The following LRP1B variants were observed in gnomAD, a reference collection of about 807,000 sequenced individuals.
The protein encoded by LRP1B is LDL receptor related protein 1B.
LRP1B carries 217 observed loss-of-function variants against 556.6 expected under a neutral mutation model. That is an observed-to-expected ratio of 0.39 (90% CI 0.35 to 0.44). The LOEUF (loss-of-function observed/expected upper bound fraction) is 0.44. Ranked by LOEUF, LRP1B falls within the 20% of genes least tolerant of loss-of-function variation. The pLI is 1.00. For synonymous variants in LRP1B, 2,047 were observed against 1,865.8 expected (o/e 1.10, Z -2.50); for missense variants, 5,053 against 5,620.8 (o/e 0.90, Z 3.23).
intron 2 of LRP1B, among the ~76,000 whole-genome samples, chr2:141,680,237 A>G (rs1028493530): frequency 2.0e-5 from 3 of 152,158 alleles, no homozygotes; most frequent in African/African-American, 7.2e-5. Context: ...AAGAAGTTTG[A>G]TGGTGAAAAA....
chr2:141,865,979 A>G (rs2105793719), intron 1 of LRP1B, among the ~76,000 whole-genome samples: 1 of 152,326 alleles, frequency 6.6e-6, no homozygotes, highest in Non-Finnish European at 1.5e-5. Context: ...AAACTTTCCC[A>G]TTTTAGCTAC....
intron 82 of LRP1B, among the ~76,000 whole-genome samples, chr2:140,316,348 G>T (rs2105039905): frequency 6.6e-6 from 1 of 152,226 alleles, no homozygotes; most frequent in Middle Eastern, 3.4e-3. Flanking sequence ...TCACTGCAAT[G>T]ATTTCAAGAG....
chr2:141,734,522 C>A (rs1039439022), intron 2 of LRP1B, among the ~76,000 whole-genome samples: 2 of 151,862 alleles, frequency 1.3e-5, no homozygotes, highest in Admixed American at 6.6e-5. Context: ...TAAGAAAAAC[C>A]ATTAAAAGTG....
intron 1 of LRP1B, among the ~76,000 whole-genome samples, chr2:142,075,217 T>G (rs1705454428): frequency 6.6e-6 from 1 of 152,094 alleles, no homozygotes; most frequent in South Asian, 2.1e-4. Context: ...AGGAAAGGTA[T>G]AGGCTTAAGA....
At chr2:141,064,639 A>G (rs1271202457) in intron 7 of LRP1B, among the ~76,000 whole-genome samples, 1 of 151,974 alleles carries the variant, frequency 6.6e-6, no homozygotes, top group Non-Finnish European at 1.5e-5. Flanking sequence ...TAGCAATATG[A>G]CCATAAAGTT....
At chr2:140,952,485 A>C (rs1054166895) in intron 18 of LRP1B, among the ~76,000 whole-genome samples, 7 of 152,086 alleles carry the variant, frequency 4.6e-5, no homozygotes, top group African/African-American at 1.7e-4. Flanking sequence ...AAAAGTATGA[A>C]ATCTTAGTCT....
intron 3 of LRP1B, among the ~76,000 whole-genome samples, chr2:141,370,466 T>C (rs72983123): frequency 0.061 from 9,330 of 152,260 alleles, 386 homozygotes; most frequent in African/African-American, 0.1. Flanking sequence ...AAATGTTTAT[T>C]CATGTCAGCC....
At chr2:141,397,743 C>A (rs1690295061) in intron 3 of LRP1B, among the ~76,000 whole-genome samples, 1 of 151,348 alleles carries the variant, frequency 6.6e-6, no homozygotes. Flanking sequence ...TCTCTAAAGT[C>A]CCAGACATTG....
At position 140,648,299 on chromosome 2, in the gene LRP1B, G is replaced by A. The variant is rs998954745; in HGVS notation, c.6800-46660C>T. ...CACCGGGGCATGTGGTGGGGTGGGG[G>A]AGTGGGGAGGGATAGCATTAGGAGA... is the stretch of plus-strand genomic sequence containing the variant. On this transcript the variant is annotated intron_variant, in intron 41 of 90. Coordinates refer to ENST00000389484, the MANE Select transcript of LRP1B (RefSeq NM_018557.3). 2.6e-5 allele frequency among the ~76,000 whole-genome samples: 4 copies of A among 151,776 alleles called. No homozygotes were observed. The South Asian group carries it at 8.3e-4, about 32-fold the overall frequency.
intron 1 of LRP1B, among the ~76,000 whole-genome samples, chr2:142,093,650 T>A (rs1052683402): frequency 2.6e-5 from 4 of 152,020 alleles, no homozygotes; most frequent in African/African-American, 9.7e-5. Context: ...CAAGAAAGTG[T>A]GCATGTGCGT....
chr2:140,588,062 G>T (rs898405252), intron 43 of LRP1B, among the ~76,000 whole-genome samples: 4 of 152,054 alleles, frequency 2.6e-5, no homozygotes, highest in African/African-American at 9.7e-5. Flanking sequence ...CACAACAGAT[G>T]GCAAAGAATG....
intron 2 of LRP1B, among the ~76,000 whole-genome samples, chr2:141,519,866 C>T (rs776307272): frequency 4.6e-5 from 7 of 152,120 alleles, no homozygotes; most frequent in Admixed American, 2.6e-4. Context: ...GGCCTTTTTA[C>T]ACTGGATGAT....
rs1269136779 is a variant in LRP1B, at chr2:140,526,297, T to C, written c.7816A>G (p.Arg2606Gly). Reference sequence around the variant, plus strand: ...ATGTTCTGGTTGCATCGTGCTGATCTTGGAATACAAGTCCCATCTGCACAG... The same window carrying C: ...ATGTTCTGGTTGCATCGTGCTGATCCTGGAATACAAGTCCCATCTGCACAG... ...FRCADGTCIP[R>G]SARCNQNIDC... Residue 2606 changes from arginine to glycine, a missense_variant, in exon 48 of 91, where the codon AGA becomes GGA. Physicochemically the swap from Arg to Gly is moderately radical, Grantham distance 125. Coordinates refer to ENST00000389484, the MANE Select transcript of LRP1B (RefSeq NM_018557.3). 5 of 1,612,096 alleles carry C rather than the reference T, an allele frequency of 3.1e-6. No homozygotes were observed. The Admixed American group carries it at 8.4e-5, about 27-fold the overall frequency.
intron 1 of LRP1B, among the ~76,000 whole-genome samples, chr2:141,875,704 C>T (rs1282917807): frequency 6.6e-6 from 1 of 151,960 alleles, no homozygotes; most frequent in African/African-American, 2.4e-5. Context: ...AGTTCCCCCA[C>T]AAGGGTAGTC....
At chr2:140,347,264 ACT>A (rs1681731647) in intron 77 of LRP1B, among the ~76,000 whole-genome samples, 2 of 151,432 alleles carry the variant, frequency 1.3e-5, no homozygotes, top group African/African-American at 4.8e-5. Flanking sequence ...AAATCATGTC[ACT>A]CTTTTAAGTT....
intron 82 of LRP1B, among the ~76,000 whole-genome samples, chr2:140,315,395 TA>T (rs1405526810): frequency 6.6e-6 from 1 of 152,260 alleles, no homozygotes; most frequent in East Asian, 1.9e-4. Flanking sequence ...TTTCTAAAAG[TA>T]ATATATTTTC....
chr2:141,012,968 T>C (rs1301328985), intron 14 of LRP1B, among the ~76,000 whole-genome samples: 1 of 151,952 alleles, frequency 6.6e-6, no homozygotes, highest in African/African-American at 2.4e-5. Flanking sequence ...TAATGCTATG[T>C]GTAGATGTCC....
chr2:141,579,636 GTGT>G (rs1686888522), intron 2 of LRP1B, among the ~76,000 whole-genome samples: 1 of 151,214 alleles, frequency 6.6e-6, no homozygotes, highest in African/African-American at 2.4e-5. Context: ...ATAAAATTTG[GTGT>G]TGAATTTAGT....
In LRP1B at chr2:140,727,480, G is replaced by A. The variant is rs183224529; in HGVS notation, c.5759-10664C>T. Among the ~76,000 whole-genome samples, 570 of 152,284 alleles carry A rather than the reference G, an allele frequency of 3.7e-3. 2 individuals carry two copies. Among genetic ancestry groups the A allele is most frequent in the African/African-American group, 0.013 (535 of 41,556 alleles). ...CTATGAAAGTTCTAGGAATTGAGAC[G>A]AAAGCAAGGTCAGTGAAGGTCATCA... is the stretch of plus-strand genomic sequence containing the variant. On this transcript the variant is annotated intron_variant, in intron 35 of 90. Coordinates refer to ENST00000389484, the MANE Select transcript of LRP1B (RefSeq NM_018557.3).
Sources: allele counts gnomAD v4.1 joint callset (sites outside exome capture counted in the v4.1 genomes callset), GRCh38; gene constraint gnomAD v4.1.1; transcripts MANE v1.5; gene names NCBI Gene and HGNC (gene_info 2026-07-23, HGNC 2026-07-21).